The following DNAH9 variants were observed in gnomAD, a reference collection of about 807,000 sequenced individuals.
The protein encoded by DNAH9 is dynein axonemal heavy chain 9.
Under a neutral mutation model 471.6 loss-of-function variants are expected in DNAH9, and 345 were observed. The observed-to-expected ratio is 0.73, with a 90% CI of 0.67 to 0.80. DNAH9 has a LOEUF of 0.80. DNAH9 is among the 30% of genes least tolerant of loss of function. The pLI is 0.00. For missense variants in DNAH9, 5,407 were observed against 5,609.2 expected (o/e 0.96, Z 1.15); for synonymous variants, 2,093 against 2,123.6 (o/e 0.99, Z 0.40).
At chr17:11,938,456 C>CAAAAA (rs11364413) in intron 66 of DNAH9, among the ~76,000 whole-genome samples, 1 of 111,442 alleles carries the variant, frequency 9.0e-6, no homozygotes, top group Non-Finnish European at 1.9e-5. Context: ...AGACTGTCTC[C>CAAAAA]AAAAAAAAAA....
chr17:11,800,127 G>T (rs548250249), intron 43 of DNAH9, among the ~76,000 whole-genome samples: 3 of 152,204 alleles, frequency 2.0e-5, no homozygotes, highest in African/African-American at 7.2e-5. Context: ...CAGTTAATAA[G>T]AACATCTCTT....
At chr17:11,688,512 A>C (rs925055694) in intron 19 of DNAH9, among the ~76,000 whole-genome samples, 8 of 152,224 alleles carry the variant, frequency 5.3e-5, no homozygotes, top group Non-Finnish European at 1.2e-4. Flanking sequence ...GGCCACTCAC[A>C]GTGGTTCACC....
intron 49 of DNAH9, among the ~76,000 whole-genome samples, chr17:11,844,569 C>A (rs1409854620): frequency 6.6e-6 from 1 of 152,088 alleles, no homozygotes; most frequent in African/African-American, 2.4e-5. Context: ...CCATGCCCGA[C>A]TAATTTTTTG....
intron 27 of DNAH9, among the ~76,000 whole-genome samples, chr17:11,725,121 C>G (rs2075129640): frequency 1.3e-5 from 2 of 152,204 alleles, no homozygotes; most frequent in Admixed American, 1.3e-4. Context: ...AAGCAGCTGT[C>G]AATACAGATG....
intron 28 of DNAH9, among the ~76,000 whole-genome samples, chr17:11,734,948 C>G (rs1278375941): frequency 6.6e-6 from 1 of 152,168 alleles, no homozygotes; most frequent in African/African-American, 2.4e-5. Context: ...CAGTGGTTCT[C>G]AAATTTCAGC....
intron 53 of DNAH9, among the ~76,000 whole-genome samples, chr17:11,878,713 G>T (rs1356638024): frequency 6.6e-6 from 1 of 151,982 alleles, no homozygotes; most frequent in Non-Finnish European, 1.5e-5. Flanking sequence ...GCAACACCAT[G>T]CCCTGCTAAT....
intron 28 of DNAH9, among the ~76,000 whole-genome samples, chr17:11,730,711 CA>C (rs2075244261): frequency 6.6e-6 from 1 of 152,062 alleles, no homozygotes. Context: ...AGAGAATAGT[CA>C]CTCAATAAAT....
chr17:11,813,055 T>G (rs1969980916), intron 45 of DNAH9, among the ~76,000 whole-genome samples: 1 of 152,184 alleles, frequency 6.6e-6, no homozygotes, highest in African/African-American at 2.4e-5. Flanking sequence ...GACACAGAGT[T>G]GTCACATTTT....
intron 48 of DNAH9, among the ~76,000 whole-genome samples, chr17:11,833,649 T>C (rs1382227030): frequency 6.6e-6 from 1 of 152,188 alleles, no homozygotes; most frequent in Non-Finnish European, 1.5e-5. Context: ...TAGGGGTTTT[T>C]GTTTGTCTTC....
chr17:11,919,217 G>A (rs993139119), intron 61 of DNAH9, among the ~76,000 whole-genome samples: 2 of 151,372 alleles, frequency 1.3e-5, no homozygotes, highest in African/African-American at 2.4e-5. Context: ...GGTTCATGGC[G>A]GGGCGCAGTG....
intron 49 of DNAH9, among the ~76,000 whole-genome samples, chr17:11,848,665 T>C (rs1971305793): frequency 1.3e-5 from 2 of 152,160 alleles, no homozygotes; most frequent in Non-Finnish European, 2.9e-5. Context: ...TTGCCGTAAG[T>C]AACTAAAATT....
chr17:11,924,588 A>G (rs867736988), intron 62 of DNAH9, among the ~76,000 whole-genome samples: 92 of 141,888 alleles, frequency 6.5e-4, no homozygotes, highest in African/African-American at 2.3e-3. Context: ...CAATTTTCCA[A>G]TTTTCGTTTC....
At chr17:11,866,952 T>C (rs1972078790) in intron 50 of DNAH9, among the ~76,000 whole-genome samples, 1 of 152,212 alleles carries the variant, frequency 6.6e-6, no homozygotes, top group Non-Finnish European at 1.5e-5. Context: ...GAAAGGGAAC[T>C]CCCTGACCCC....
At chr17:11,917,154 G>A (rs992242863) in intron 61 of DNAH9, among the ~76,000 whole-genome samples, 2 of 151,916 alleles carry the variant, frequency 1.3e-5, no homozygotes, top group African/African-American at 4.8e-5. Flanking sequence ...TTTTTGTTTT[G>A]TTTGTTTTGT....
At chr17:11,748,923 T>C (rs1303955842) in intron 32 of DNAH9, among the ~76,000 whole-genome samples, 6 of 152,120 alleles carry the variant, frequency 3.9e-5, no homozygotes, top group Non-Finnish European at 7.4e-5. Context: ...TCATCTGAGG[T>C]CTAGAACACA....
intron 14 of DNAH9, among the ~76,000 whole-genome samples, chr17:11,656,625 G>A (rs148402562): frequency 5.3e-5 from 8 of 152,186 alleles, no homozygotes; most frequent in Non-Finnish European, 1.0e-4. Context: ...GCAGTACAAC[G>A]TACAGACAAA....
intron 14 of DNAH9, among the ~76,000 whole-genome samples, chr17:11,654,166 T>G (rs1362837216): frequency 1.3e-5 from 1 of 74,386 alleles, no homozygotes; most frequent in East Asian, 2.9e-4. Context: ...CCATCCTGGC[T>G]AACACGGTGA....
Position 11,762,765 on chromosome 17 carries a change from T to TTTTG in DNAH9, c.6996-672_6996-671insGTTT, listed in dbSNP as rs1435526161. The stretch of plus-strand genomic sequence containing the variant: ...AATTGCCTCTTTAGGTGCGTTTTTT[T>TTTTG]TTTTGTTTTTTTTTTTTTTTTTTTT... On this transcript the variant is annotated intron_variant, in intron 35 of 68. Coordinates refer to ENST00000262442, the MANE Select transcript of DNAH9 (RefSeq NM_001372.4). Among the ~76,000 whole-genome samples, 39 of 94,650 alleles carry TTTTG rather than the reference T, an allele frequency of 4.1e-4. 2 individuals carry two copies. In the East Asian group the frequency reaches 7.4e-3, roughly 18 times the overall value. The allele number at this position is 94,650 out of a possible 152,430, so 62.1% of individuals were successfully genotyped here.
chr17:11,825,748 G>A (rs1035857350), intron 48 of DNAH9, among the ~76,000 whole-genome samples: 1 of 152,204 alleles, frequency 6.6e-6, no homozygotes, highest in African/African-American at 2.4e-5. Flanking sequence ...ACACACTCAA[G>A]AGAGGAATGC....
Sources: gnomAD v4.1 joint callset for allele counts (sites outside exome capture counted in the v4.1 genomes callset) on GRCh38, gnomAD v4.1.1 for gene constraint, MANE v1.5 for transcripts, NCBI Gene and HGNC (gene_info 2026-07-23, HGNC 2026-07-21) for gene names.